The following P2RY12 variants were observed in gnomAD, a reference collection of about 807,000 sequenced individuals.
P2RY12 encodes purinergic receptor P2Y12, also known as P2Y purinoceptor 12.
A neutral mutation model predicts 4.5 loss-of-function variants in P2RY12; 3 were observed. That is an observed-to-expected ratio of 0.67 (90% confidence interval 0.31 to 1.74). The LOEUF (loss-of-function observed/expected upper bound fraction) is 1.74. Among genes scored for constraint, P2RY12 ranks in the 40% most tolerant of loss-of-function variants. The probability of loss-of-function intolerance (pLI) is 0.09; values close to 1 mark genes in which losing one functional copy is unlikely to be tolerated. For synonymous variants in P2RY12, 148 were observed against 154.1 expected (o/e 0.96, Z 0.29); for missense variants, 356 against 407.8 (o/e 0.87, Z 1.09).
intron 1 of P2RY12, chr3:151,383,958 C>T (rs12485508): frequency 0.35 from 520,185 of 1,479,382 alleles, 93,814 homozygotes; most frequent in Non-Finnish European, 0.37. Context: ...ATACTGATGG[C>T]GATTTCTGCC....
intron 1 of P2RY12, among the ~76,000 whole-genome samples, chr3:151,375,616 T>C (rs1756742807): frequency 1.3e-5 from 2 of 152,192 alleles, no homozygotes; most frequent in Non-Finnish European, 2.9e-5. Context: ...ATATTTGTTA[T>C]ACTATGTTGT....
chr3:151,355,745 A>G (rs1344578932), intron 1 of P2RY12: 10 of 569,564 alleles, frequency 1.8e-5, no homozygotes, highest in Non-Finnish European at 2.5e-5. Context: ...CTTTGTACAT[A>G]GTTTTATAGT....
At chr3:151,376,821 A>G in intron 1 of P2RY12, 1 of 1,613,982 alleles carries the variant, frequency 6.2e-7, no homozygotes, top group Non-Finnish European at 8.5e-7. Flanking sequence ...GTGGACACTG[A>G]GGCAATCCTG....
intron 1 of P2RY12, among the ~76,000 whole-genome samples, chr3:151,365,671 G>C (rs1037356291): frequency 6.6e-6 from 1 of 152,140 alleles, no homozygotes; most frequent in Non-Finnish European, 1.5e-5. Context: ...AATATTTGAA[G>C]CCATTGTTAT....
chr3:151,342,536 C>T (rs571684000), intron 1 of P2RY12, among the ~76,000 whole-genome samples: 46 of 152,308 alleles, frequency 3.0e-4, no homozygotes, highest in African/African-American at 9.6e-4. Flanking sequence ...GTGCCCCACC[C>T]TGCATCTGTA....
At chr3:151,378,498 A>AT (rs535091241) in intron 1 of P2RY12, among the ~76,000 whole-genome samples, 2 of 151,638 alleles carry the variant, frequency 1.3e-5, no homozygotes, top group Non-Finnish European at 2.9e-5. Context: ...AATTATTTCT[A>AT]TTTTTTTATT....
At chr3:151,351,948 G>C (rs1349552225) in intron 1 of P2RY12, among the ~76,000 whole-genome samples, 1 of 152,178 alleles carries the variant, frequency 6.6e-6, no homozygotes, top group African/African-American at 2.4e-5. Flanking sequence ...AAACATTGTT[G>C]TTCTGTGCTG....
intron 1 of P2RY12, chr3:151,377,906 G>C: frequency 8.9e-7 from 1 of 1,125,766 alleles, no homozygotes; most frequent in Non-Finnish European, 1.2e-6. Flanking sequence ...TTTTAGAACA[G>C]TCTGTGTGTC....
intron 1 of P2RY12, among the ~76,000 whole-genome samples, chr3:151,352,365 G>A (rs1321199529): frequency 6.6e-6 from 1 of 152,128 alleles, no homozygotes; most frequent in Non-Finnish European, 1.5e-5. Flanking sequence ...CCACATCGTT[G>A]GGAGGGGATT....
intron 1 of P2RY12, chr3:151,375,970 C>CATATATATATATATAT (rs148538586): frequency 0.028 from 22,216 of 802,178 alleles, 441 homozygotes; most frequent in African/African-American, 0.049. Context: ...GTACATATTG[C>CATATATATATATATAT]ATATATATAT....
chr3:151,359,704 G>A (rs4679802), intron 1 of P2RY12, among the ~76,000 whole-genome samples: 132,202 of 152,134 alleles, frequency 0.87, 57,545 homozygotes, highest in Middle Eastern at 0.95. Context: ...AGCTTTTTTC[G>A]TCTTTAATAA....
intron 1 of P2RY12, chr3:151,380,145 C>G (rs1711994211): frequency 6.2e-7 from 1 of 1,606,234 alleles, no homozygotes; most frequent in Admixed American, 1.8e-5. Flanking sequence ...CCCTTCCTCT[C>G]ACTGGTACTT....
chr3:151,360,323 A>G, intron 1 of P2RY12: 1 of 640,690 alleles, frequency 1.6e-6, no homozygotes, highest in Non-Finnish European at 2.6e-6. Context: ...ATTATATTGT[A>G]CTGAGTTATT....
At chr3:151,343,535 GTGA>G (rs1435996980) in intron 1 of P2RY12, among the ~76,000 whole-genome samples, 3 of 152,160 alleles carry the variant, frequency 2.0e-5, no homozygotes, top group African/African-American at 7.2e-5. Flanking sequence ...AAATCTTTAA[GTGA>G]AAAGTATCTC....
intron 1 of P2RY12, chr3:151,365,019 G>T (rs1755102529): frequency 6.2e-7 from 1 of 1,613,892 alleles, no homozygotes; most frequent in African/African-American, 1.3e-5. Context: ...ATATAATAAC[G>T]TGATGCCTGC....
intron 1 of P2RY12, chr3:151,365,002 A>C: frequency 6.2e-7 from 1 of 1,614,010 alleles, no homozygotes; most frequent in East Asian, 2.2e-5. Flanking sequence ...AAAGTAAAGC[A>C]AACCATATAT....
At position 151,337,486 on chromosome 3, in the gene P2RY12, G is replaced by T; in HGVS notation, c.*331C>A. 4.1e-6 allele frequency: 1 copy of T among 241,436 alleles called. No homozygotes were observed. Among genetic ancestry groups the T allele is most frequent in the Non-Finnish European group, 8.1e-6 (1 of 122,798 alleles). The allele number at this position is 241,436 out of a possible 1,614,324, so 15.0% of individuals were successfully genotyped here. ...AAAAAATAAAATTGTGAACGATAAT[G>T]TATTTTAAAAATTACAGTAAATATT... On this transcript the variant is annotated 3_prime_UTR_variant, in exon 3 of 3. Coordinates refer to ENST00000302632, the MANE Select transcript of P2RY12 (RefSeq NM_022788.5).
chr3:151,355,799 T>C (rs1753844801), intron 1 of P2RY12: 13 of 1,053,222 alleles, frequency 1.2e-5, no homozygotes, highest in African/African-American at 1.6e-5. Flanking sequence ...TAGAATCATG[T>C]ATAGATTCAA....
At chr3:151,352,993 C>T (rs115289380) in intron 1 of P2RY12, among the ~76,000 whole-genome samples, 1,637 of 152,216 alleles carry the variant, frequency 0.011, 25 homozygotes, top group African/African-American at 0.028. Flanking sequence ...TAAAGTATTT[C>T]GTTGAGAATC....
Sources: allele counts gnomAD v4.1 joint callset (sites outside exome capture counted in the v4.1 genomes callset), GRCh38; gene constraint gnomAD v4.1.1; transcripts MANE v1.5; gene names NCBI Gene and HGNC (gene_info 2026-07-23, HGNC 2026-07-21).